GAREM1: variants seen among roughly 807,000 people sequenced by gnomAD.
The protein encoded by GAREM1 is GRB2 associated regulator of MAPK1 subtype 1, also known as GRB2-associated and regulator of MAPK protein 1.
Under a neutral mutation model 71.3 loss-of-function variants are expected in GAREM1, and 26 were observed. The observed-to-expected ratio is 0.36, with a 90% confidence interval of 0.27 to 0.51. GAREM1 has a LOEUF of 0.51. GAREM1 is among the 20% of genes least tolerant of loss of function. GAREM1 has a pLI of 0.95. For synonymous variants in GAREM1, 440 were observed against 433.2 expected (o/e 1.02, Z -0.20); for missense variants, 1,026 against 1,103.1 (o/e 0.93, Z 0.99).
intron 3 of GAREM1, among the ~76,000 whole-genome samples, chr18:32,289,318 T>G (rs957373549): frequency 1.3e-5 from 2 of 152,300 alleles, no homozygotes; most frequent in Non-Finnish European, 2.9e-5. Context: ...ATTTATACTT[T>G]TATCACTTTA....
intron 2 of GAREM1, among the ~76,000 whole-genome samples, chr18:32,365,011 G>A (rs1359456530): frequency 6.6e-6 from 1 of 152,252 alleles, no homozygotes; most frequent in East Asian, 1.9e-4. Context: ...AGAGTGGTGA[G>A]TGGCAAAGCA....
chr18:32,433,843 C>T (rs1270459676), intron 1 of GAREM1, among the ~76,000 whole-genome samples: 4 of 152,066 alleles, frequency 2.6e-5, no homozygotes, highest in Non-Finnish European at 4.4e-5. Context: ...TGGATGCTCA[C>T]TATAGTTAAG....
At chr18:32,296,463 TG>T (rs1339440099) in intron 3 of GAREM1, among the ~76,000 whole-genome samples, 3 of 152,134 alleles carry the variant, frequency 2.0e-5, no homozygotes, top group African/African-American at 7.2e-5. Flanking sequence ...TTCCCATGAG[TG>T]TCATTTTGAT....
intron 3 of GAREM1, among the ~76,000 whole-genome samples, chr18:32,309,283 C>T (rs952066310): frequency 1.3e-5 from 2 of 149,308 alleles, no homozygotes; most frequent in African/African-American, 5.0e-5. Context: ...CAAAGGACCT[C>T]GGTCAACATC....
At chr18:32,368,622 C>T (rs550902384) in intron 2 of GAREM1, among the ~76,000 whole-genome samples, 1 of 152,236 alleles carries the variant, frequency 6.6e-6, no homozygotes, top group South Asian at 2.1e-4. Flanking sequence ...ATTAAAGTGT[C>T]CACAGACCCT....
intron 3 of GAREM1, among the ~76,000 whole-genome samples, chr18:32,306,011 C>T (rs1223655193): frequency 6.6e-6 from 1 of 152,180 alleles, no homozygotes; most frequent in Non-Finnish European, 1.5e-5. Context: ...GCTGAGTAAT[C>T]TCACTTGAAA....
At chr18:32,322,202 T>C (rs2047435450) in intron 2 of GAREM1, among the ~76,000 whole-genome samples, 1 of 152,178 alleles carries the variant, frequency 6.6e-6, no homozygotes, top group South Asian at 2.1e-4. Context: ...TGGCTGAAAC[T>C]AAAAGGCATG....
chr18:32,358,310 T>C (rs2047825983), intron 2 of GAREM1, among the ~76,000 whole-genome samples: 3 of 151,974 alleles, frequency 2.0e-5, no homozygotes, highest in Admixed American at 1.3e-4. Flanking sequence ...GGGAACTGCC[T>C]GCAGGGGACA....
intron 3 of GAREM1, among the ~76,000 whole-genome samples, chr18:32,291,820 C>T (rs1304172496): frequency 6.6e-6 from 1 of 152,170 alleles, no homozygotes; most frequent in African/African-American, 2.4e-5. Flanking sequence ...AGGACACGAA[C>T]TCATCCTTTT....
chr18:32,300,033 T>C (rs2047184139), intron 3 of GAREM1, among the ~76,000 whole-genome samples: 1 of 152,138 alleles, frequency 6.6e-6, no homozygotes. Context: ...CAGGAGACAG[T>C]GATAAGTTTA....
intron 2 of GAREM1, among the ~76,000 whole-genome samples, chr18:32,363,372 G>GT (rs1475073719): frequency 6.6e-6 from 1 of 152,038 alleles, no homozygotes; most frequent in African/African-American, 2.4e-5. Flanking sequence ...TTTTAACACT[G>GT]TTTTTTAATA....
At chr18:32,466,263 C>A (rs980914036) in intron 1 of GAREM1, among the ~76,000 whole-genome samples, 2 of 151,276 alleles carry the variant, frequency 1.3e-5, no homozygotes, top group African/African-American at 4.9e-5. Context: ...GAATTCTATA[C>A]AGCGGAAGAG....
chr18:32,443,368 G>T (rs893773393), intron 1 of GAREM1, among the ~76,000 whole-genome samples: 1 of 152,066 alleles, frequency 6.6e-6, no homozygotes, highest in East Asian at 1.9e-4. Flanking sequence ...TATAGTAGAA[G>T]AAAGTATTTA....
chr18:32,272,179 C>T (rs2041472225), intron 4 of GAREM1, among the ~76,000 whole-genome samples: 1 of 152,198 alleles, frequency 6.6e-6, no homozygotes, highest in Non-Finnish European at 1.5e-5. Flanking sequence ...CTACTATCTA[C>T]ACCACACCCG....
intron 2 of GAREM1, among the ~76,000 whole-genome samples, chr18:32,354,543 T>C (rs1598984054): frequency 6.6e-6 from 1 of 152,166 alleles, no homozygotes; most frequent in Non-Finnish European, 1.5e-5. Flanking sequence ...GAACAACACA[T>C]TGAAGCTAGG....
intron 1 of GAREM1, among the ~76,000 whole-genome samples, chr18:32,432,756 C>A (rs1469992087): frequency 6.6e-6 from 1 of 152,080 alleles, no homozygotes; most frequent in African/African-American, 2.4e-5. Context: ...AAATAGATGA[C>A]TTGAATAGTC....
At chr18:32,278,194 A>T (rs1436849355) in intron 4 of GAREM1, among the ~76,000 whole-genome samples, 1 of 152,174 alleles carries the variant, frequency 6.6e-6, no homozygotes, top group East Asian at 1.9e-4. Context: ...TTTGGGAAAA[A>T]AATCAATTTC....
chr18:32,375,218 A>G (rs1388548191), intron 2 of GAREM1, among the ~76,000 whole-genome samples: 6 of 152,188 alleles, frequency 3.9e-5, no homozygotes, highest in Non-Finnish European at 8.8e-5. Context: ...TTTAGAAACA[A>G]TAAAGGCAGT....
chr18:32,436,501 GT>G (rs1008792780), intron 1 of GAREM1, among the ~76,000 whole-genome samples: 1 of 152,238 alleles, frequency 6.6e-6, no homozygotes, highest in Non-Finnish European at 1.5e-5. Flanking sequence ...TGGGTAAAAG[GT>G]TACAAAATTA....
Sources: gnomAD v4.1 joint callset for allele counts (sites outside exome capture counted in the v4.1 genomes callset) on GRCh38, gnomAD v4.1.1 for gene constraint, MANE v1.5 for transcripts, NCBI Gene and HGNC (gene_info 2026-07-23, HGNC 2026-07-21) for gene names.